Variants in ROBO2 observed in about 807,000 individuals in gnomAD.
ROBO2 encodes roundabout homolog 2.
Under a neutral mutation model 160.8 loss-of-function variants are expected in ROBO2, and 53 were observed. The observed-to-expected ratio is 0.33, with a 90% CI of 0.26 to 0.41. ROBO2 has a LOEUF of 0.41. Ranked by LOEUF, ROBO2 falls within the 10% of genes least tolerant of loss-of-function variation. The pLI is 1.00. For missense variants in ROBO2, 1,577 were observed against 1,722.4 expected, an observed-to-expected ratio of 0.92 and a Z score of 1.49; for synonymous variants, 664 against 611.7, an observed-to-expected ratio of 1.09 and a Z score of -1.26.
chr3:77,066,364 C>G (rs903756838), intron 1 of ROBO2, among the ~76,000 whole-genome samples: 1 of 152,064 alleles, frequency 6.6e-6, no homozygotes, highest in Admixed American at 6.6e-5. Flanking sequence ...TGTCAAAAGA[C>G]ATTGGTAATA....
intron 2 of ROBO2, among the ~76,000 whole-genome samples, chr3:77,143,958 C>A (rs1210804407): frequency 6.6e-6 from 1 of 152,166 alleles, no homozygotes; most frequent in Non-Finnish European, 1.5e-5. Flanking sequence ...CATTTACTTT[C>A]TCCATGACAC....
chr3:77,283,818 C>T lies in ROBO2; in HGVS notation c.388+185478C>T, dbSNP rs533750710. 4.6e-5 allele frequency among the ~76,000 whole-genome samples: 7 copies of T among 152,172 alleles called. No individual in the cohort carries two copies. The South Asian group carries it at 1.0e-3, about 23-fold the overall frequency. On this transcript the variant is annotated intron_variant, in intron 2 of 25. Transcript: ENST00000461745. ...TTGTCATTTGATTCTGACTTGAGCT[C>T]GGTACTTTGATTGATAGGTCCTACT...
intron 2 of ROBO2, among the ~76,000 whole-genome samples, chr3:76,033,600 A>G (rs1259188296): frequency 1.3e-5 from 2 of 152,234 alleles, no homozygotes; most frequent in African/African-American, 4.8e-5. Flanking sequence ...ATATGTTGCT[A>G]TGTAATAAAC....
At chr3:77,392,644 A>G (rs941861148) in intron 2 of ROBO2, among the ~76,000 whole-genome samples, 5 of 152,228 alleles carry the variant, frequency 3.3e-5, no homozygotes, top group African/African-American at 1.2e-4. Context: ...TTATTAATAA[A>G]GTGAAATCCA....
chr3:75,984,678 C>T (rs76050463), intron 2 of ROBO2, among the ~76,000 whole-genome samples: 4,490 of 151,428 alleles, frequency 0.03, 214 homozygotes, highest in African/African-American at 0.096. Context: ...TACATGTATT[C>T]GCACACTTAA....
chr3:77,115,197 A>C (rs561942940), intron 2 of ROBO2, among the ~76,000 whole-genome samples: 1 of 152,274 alleles, frequency 6.6e-6, no homozygotes, highest in East Asian at 1.9e-4. Flanking sequence ...GAATGAATTT[A>C]GTTTTAGTAC....
chr3:77,138,028 T>C (rs1194976491), intron 2 of ROBO2, among the ~76,000 whole-genome samples: 1 of 152,156 alleles, frequency 6.6e-6, no homozygotes, highest in Non-Finnish European at 1.5e-5. Flanking sequence ...TGACACTCGT[T>C]TGAATCTGAA....
At chr3:76,065,854 C>CTATT in intron 2 of ROBO2, among the ~76,000 whole-genome samples, 1 of 144,320 alleles carries the variant, frequency 6.9e-6, no homozygotes, top group African/African-American at 2.9e-5. Context: ...ATATTTTAGA[C>CTATT]TAACTATTTA....
rs865879702 is a variant in ROBO2 at position 76,132,400 on chromosome 3, G to C, written c.109+194798G>C. Among the ~76,000 whole-genome samples, 6 of 132,736 alleles carry C rather than the reference G, an allele frequency of 4.5e-5. 1 individual carries two copies. The highest frequency in any genetic ancestry group is 6.3e-4 in the South Asian group (2 of 3,158). The allele number at this position is 132,736 out of a possible 152,430, so 87.1% of individuals were successfully genotyped here. A position where few individuals can be genotyped will look rare whatever the true frequency, so the allele number is the denominator to read the frequency against. On this transcript the variant is annotated intron_variant, in intron 2 of 26. Transcript: ENST00000487694. ...TGCCCAAATTCCAGACTGTTGGGGG[G>C]GGGGGGGGACGCAGATGTTCAGCAT...
At chr3:76,588,471 A>G (rs1215272131) in intron 2 of ROBO2, among the ~76,000 whole-genome samples, 2 of 151,968 alleles carry the variant, frequency 1.3e-5, no homozygotes, top group African/African-American at 4.8e-5. Context: ...CTGATTATAT[A>G]TTTATTTTAA....
intron 2 of ROBO2, among the ~76,000 whole-genome samples, chr3:76,286,489 TATTA>T (rs1708512619): frequency 6.6e-6 from 1 of 152,080 alleles, no homozygotes; most frequent in Non-Finnish European, 1.5e-5. Context: ...AGAGGGACAA[TATTA>T]ATTTTCATTT....
chr3:77,463,093 A>G (rs2082408920), intron 2 of ROBO2, among the ~76,000 whole-genome samples: 2 of 152,162 alleles, frequency 1.3e-5, no homozygotes, highest in African/African-American at 4.8e-5. Context: ...ACCATCTTTC[A>G]TTGAAATATC....
At chr3:77,641,697 A>G (rs1274296419) in intron 24 of ROBO2, among the ~76,000 whole-genome samples, 1 of 152,158 alleles carries the variant, frequency 6.6e-6, no homozygotes, top group Non-Finnish European at 1.5e-5. Context: ...TGAGAAGAAA[A>G]TGATACAAAT....
intron 2 of ROBO2, among the ~76,000 whole-genome samples, chr3:76,707,731 G>GTA (rs56401900): frequency 0.065 from 8,651 of 133,908 alleles, 270 homozygotes; most frequent in East Asian, 0.089. Context: ...ACATGTGTGT[G>GTA]TATATATATA....
At chr3:76,935,362 A>G (rs2077630502) in intron 2 of ROBO2, among the ~76,000 whole-genome samples, 1 of 152,188 alleles carries the variant, frequency 6.6e-6, no homozygotes, top group South Asian at 2.1e-4. Flanking sequence ...CGATGATACA[A>G]TACTGTTAAC....
rs868170168 is a variant in ROBO2 at position 77,530,102 on chromosome 3, C to T, written c.934+7200C>T. On this transcript the variant is annotated intron_variant, in intron 6 of 25. Transcript: ENST00000461745. ...ATGCACTAAAAAGCACATTTTTCAA[C>T]TTTGCAGCTCTTAGCAATAGCATAA... Among the ~76,000 whole-genome samples, 6 of 151,820 alleles carry T rather than the reference C, an allele frequency of 4.0e-5. No individual in the cohort carries two copies. The South Asian group carries it at 6.2e-4, about 16-fold the overall frequency.
Position 77,123,243 on chromosome 3 carries a change from A to G in ROBO2, c.388+24903A>G, listed in dbSNP as rs556543697. 3.3e-5 allele frequency among the ~76,000 whole-genome samples: 5 copies of G among 152,322 alleles called. No homozygotes were observed. The South Asian group carries it at 1.0e-3, about 32-fold the overall frequency. ...TTTTTAGTTCTATGCCATATTATACAGTCCTATAAAGGAAGATAATAAGCT... is the reference window on the plus strand; with the variant it reads ...TTTTTAGTTCTATGCCATATTATACGGTCCTATAAAGGAAGATAATAAGCT... On this transcript the variant is annotated intron_variant, in intron 2 of 25. Coordinates refer to ENST00000461745, the Ensembl canonical transcript of ROBO2.
intron 1 of ROBO2, among the ~76,000 whole-genome samples, chr3:75,914,401 T>G (rs1447470681): frequency 6.6e-6 from 1 of 152,200 alleles, no homozygotes; most frequent in African/African-American, 2.4e-5. Context: ...TTCTTTTACT[T>G]TGAAACAGTA....
intron 1 of ROBO2, among the ~76,000 whole-genome samples, chr3:77,069,722 A>G (rs1350241892): frequency 6.6e-6 from 1 of 152,166 alleles, no homozygotes; most frequent in Non-Finnish European, 1.5e-5. Context: ...TAGAGTGGTG[A>G]GCAGCACGGA....
Sources: gnomAD v4.1 joint callset for allele counts (sites outside exome capture counted in the v4.1 genomes callset) on GRCh38, gnomAD v4.1.1 for gene constraint, MANE v1.5 for transcripts, NCBI Gene and HGNC (gene_info 2026-07-23, HGNC 2026-07-21) for gene names.